NEK7: variants seen among roughly 807,000 people sequenced by gnomAD.
NEK7 encodes the protein NIMA related kinase 7, also known as serine/threonine-protein kinase Nek7.
Under a neutral mutation model 44.6 loss-of-function variants are expected in NEK7, and 18 were observed. That is an observed-to-expected ratio of 0.40 (90% confidence interval 0.28 to 0.60). The LOEUF is 0.60. NEK7 is among the 20% of genes least tolerant of loss of function. The pLI, the probability that NEK7 is intolerant of heterozygous loss-of-function variation, is 0.38. For synonymous variants in NEK7, 130 were observed against 121.1 expected (o/e 1.07, Z -0.48); for missense variants, 256 against 366.5 (o/e 0.70, Z 2.46).
chr1:198,213,976 T>G (rs1285518427), intron 1 of NEK7, among the ~76,000 whole-genome samples: 6 of 152,154 alleles, frequency 3.9e-5, no homozygotes, highest in African/African-American at 1.4e-4. Context: ...ATGAGACCTC[T>G]GCTATTCTGG....
In NEK7 at chr1:198,253,058, A is replaced by G. The variant is rs1046604108; in HGVS notation, c.76A>G (p.Met26Val). ...ATTACAGAAGGCCTTACGACCGGAT[A>G]TGGGCTATAATACATTAGCCAACTT... ...FQPQKALRPDMGYNTLANFRI... is the reference protein window; with the variant it reads ...FQPQKALRPDVGYNTLANFRI... The change falls in exon 3 of 10, where the codon ATG becomes GTG. Residue 26 changes from methionine (M) to valine (V), a missense_variant. Physicochemically the swap from Met to Val is conservative, Grantham distance 21 (BLOSUM62 1). Coordinates refer to ENST00000367385, the MANE Select transcript of NEK7 (RefSeq NM_133494.3). The G allele has an allele frequency of 1.2e-6, 2 of 1,609,950 alleles. No homozygotes were observed. Among genetic ancestry groups the G allele is most frequent in the African/African-American group, 2.7e-5 (2 of 74,738 alleles).
intron 9 of NEK7, among the ~76,000 whole-genome samples, chr1:198,307,704 G>A (rs1000335004): frequency 6.6e-6 from 1 of 152,056 alleles, no homozygotes; most frequent in Non-Finnish European, 1.5e-5. Context: ...ATCTCTGAGT[G>A]GAATAAACTA....
rs1665117729 is a variant in NEK7, at chr1:198,192,799, C to T, written c.-29+35523C>T. ...AGACAACATGTGAGAATCTCTGGGA[C>T]TCAGCTAAAGCAGTGTTAAGAATGA... On this transcript the variant is annotated intron_variant, in intron 1 of 9. Transcript: ENST00000367385. Among the ~76,000 whole-genome samples, 6 of 152,176 alleles carry T rather than the reference C, an allele frequency of 3.9e-5. 1 individual carries two copies. The South Asian group carries it at 1.0e-3, about 26-fold the overall frequency.
At chr1:198,159,326 A>AG (rs1009112423) in intron 1 of NEK7, among the ~76,000 whole-genome samples, 4 of 151,932 alleles carry the variant, frequency 2.6e-5, no homozygotes, top group African/African-American at 7.3e-5. Context: ...AGGAAGGAGG[A>AG]GGGGGGCTTC....
chr1:198,185,775 A>G (rs528518873), intron 1 of NEK7, among the ~76,000 whole-genome samples: 7 of 152,226 alleles, frequency 4.6e-5, no homozygotes, highest in Non-Finnish European at 8.8e-5. Flanking sequence ...GATGGCAAGG[A>G]GTACTGAGAA....
chr1:198,210,741 CTTTTTTTTT>C (rs140181207), intron 1 of NEK7, among the ~76,000 whole-genome samples: 69 of 57,514 alleles, frequency 1.2e-3, no homozygotes, highest in Non-Finnish European at 1.7e-3. Context: ...ATTTGTATTT[CTTTTTTTTT>C]TTTTTTTTTT....
chr1:198,230,824 T>C (rs1028377569), intron 1 of NEK7, among the ~76,000 whole-genome samples: 12 of 151,916 alleles, frequency 7.9e-5, no homozygotes, highest in Admixed American at 6.6e-5. Context: ...TTTACAGTAG[T>C]ATCAAAAAAT....
chr1:198,266,916 G>T (rs1053903726), intron 5 of NEK7, among the ~76,000 whole-genome samples: 1 of 151,854 alleles, frequency 6.6e-6, no homozygotes, highest in Non-Finnish European at 1.5e-5. Context: ...ACTCTTCAAA[G>T]TTGACTTTAT....
At chr1:198,240,933 T>G (rs1352787092) in intron 2 of NEK7, among the ~76,000 whole-genome samples, 2 of 152,186 alleles carry the variant, frequency 1.3e-5, no homozygotes, top group Non-Finnish European at 2.9e-5. Flanking sequence ...AACCTTGTGA[T>G]CCACCCGCCT....
chr1:198,167,741 C>G (rs1253639462), intron 1 of NEK7, among the ~76,000 whole-genome samples: 1 of 152,130 alleles, frequency 6.6e-6, no homozygotes, highest in African/African-American at 2.4e-5. Context: ...ACCTGTAGTT[C>G]TCTATCTTGT....
chr1:198,319,697 C>A lies in NEK7; in HGVS notation c.*175C>A. On this transcript the variant is annotated 3_prime_UTR_variant, in exon 10 of 10. Transcript: ENST00000367385. ...ACCAGTCACCTAAATCACCTCCTTGCAACCCCCAAATGACTTTGGAATAAC... is the reference window on the plus strand; with the variant it reads ...ACCAGTCACCTAAATCACCTCCTTGAAACCCCCAAATGACTTTGGAATAAC... 1 of 591,554 alleles carries A rather than the reference C, an allele frequency of 1.7e-6. No individual in the cohort carries two copies. Among genetic ancestry groups the A allele is most frequent in the Non-Finnish European group, 2.6e-6 (1 of 389,568 alleles). The allele number at this position is 591,554 out of a possible 1,614,324, so 36.6% of individuals were successfully genotyped here.
chr1:198,207,317 C>T (rs1360949522), intron 1 of NEK7: 1 of 152,024 alleles, frequency 6.6e-6, no homozygotes, highest in Non-Finnish European at 1.5e-5. Flanking sequence ...TTACATTTAT[C>T]CTTAACTTAT....
chr1:198,163,391 GAGGCTAAGGC>G (rs979428916), intron 1 of NEK7, among the ~76,000 whole-genome samples: 4 of 151,924 alleles, frequency 2.6e-5, no homozygotes, highest in African/African-American at 9.7e-5. Flanking sequence ...AGCTACTTGG[GAGGCTAAGGC>G]AGGAGGATTG....
At chr1:198,243,844 C>G (rs1666753932) in intron 2 of NEK7, among the ~76,000 whole-genome samples, 1 of 151,642 alleles carries the variant, frequency 6.6e-6, no homozygotes, top group Non-Finnish European at 1.5e-5. Context: ...GATAATTTTT[C>G]AAATAGGAAG....
rs1162099133 is a variant in NEK7 at position 198,252,528 on chromosome 1, CTATATATATATATATATATATA to C, written c.58-493_58-472del. 4.3e-3 allele frequency among the ~76,000 whole-genome samples: 139 copies of C among 32,698 alleles called. 4 individuals carry two copies. Among genetic ancestry groups the C allele is most frequent in the African/African-American group, 0.019 (127 of 6,516 alleles). 21.5% of individuals were successfully genotyped at this position (32,698 alleles called of 152,430 possible). A position where few individuals can be genotyped will look rare whatever the true frequency, so the allele number is the denominator to read the frequency against. On this transcript the variant is annotated intron_variant, in intron 2 of 9. Coordinates refer to ENST00000367385, the MANE Select transcript of NEK7 (RefSeq NM_133494.3). The stretch of plus-strand genomic sequence containing the variant: ...TTTTTAGGCTTTCCTATCTCACATA[CTATATATATATATATATATATA>C]TATATATATATATATATAAAAAGTA...
At chr1:198,245,792 G>GA (rs965593760) in intron 2 of NEK7, among the ~76,000 whole-genome samples, 45 of 147,874 alleles carry the variant, frequency 3.0e-4, no homozygotes, top group African/African-American at 8.2e-4. Context: ...GTGCAGCTTA[G>GA]AAAAAAAAAA....
At chr1:198,254,504 A>G (rs1055457831) in intron 3 of NEK7, among the ~76,000 whole-genome samples, 1 of 152,136 alleles carries the variant, frequency 6.6e-6, no homozygotes, top group African/African-American at 2.4e-5. Context: ...TGTTTGAGCA[A>G]TTAGTCCGTG....
At chr1:198,292,742 T>C (rs1004793592) in intron 7 of NEK7, among the ~76,000 whole-genome samples, 4 of 151,946 alleles carry the variant, frequency 2.6e-5, no homozygotes, top group Non-Finnish European at 4.4e-5. Context: ...CCACATTGTT[T>C]AGTGCAGTTG....
chr1:198,199,334 G>A (rs1251555121), intron 1 of NEK7, among the ~76,000 whole-genome samples: 5 of 152,220 alleles, frequency 3.3e-5, no homozygotes. Context: ...CAGCTGCTTA[G>A]AGAGAGACAC....
Sources: gnomAD v4.1 joint callset for allele counts (sites outside exome capture counted in the v4.1 genomes callset) on GRCh38, gnomAD v4.1.1 for gene constraint, MANE v1.5 for transcripts, NCBI Gene and HGNC (gene_info 2026-07-23, HGNC 2026-07-21) for gene names.